BCL7A: variants seen among roughly 807,000 people sequenced by gnomAD.
BCL7A encodes the protein B-cell CLL/lymphoma 7 protein family member A.
BCL7A carries 11 observed loss-of-function variants against 28.4 expected under a neutral mutation model. That is an observed-to-expected ratio of 0.39 (90% CI 0.24 to 0.64). BCL7A has a LOEUF of 0.64. Ranked by LOEUF, BCL7A falls within the 30% of genes least tolerant of loss-of-function variation. The pLI is 0.50. For synonymous variants in BCL7A, 123 were observed against 103.3 expected, an observed-to-expected ratio of 1.19 and a Z score of -1.15; for missense variants, 222 against 274.8, an observed-to-expected ratio of 0.81 and a Z score of 1.36.
intron 4 of BCL7A, 59 bp downstream of exon 4, chr12:122,044,112 T>C (rs1184995245): frequency 3.9e-6 from 6 of 1,557,868 alleles, no homozygotes; most frequent in East Asian, 4.6e-5. Flanking sequence ...CTTCAGGCAG[T>C]CTGTGGCTAG....
chr12:122,030,140 C>G (rs142102473), intron 1 of BCL7A, among the ~76,000 whole-genome samples: 14 of 152,188 alleles, frequency 9.2e-5, no homozygotes, highest in African/African-American at 2.9e-4. Flanking sequence ...CCTTTCGGGC[C>G]GAGGTCACCA....
chr12:122,033,765 C>T (rs1338032550), intron 2 of BCL7A, among the ~76,000 whole-genome samples: 3 of 152,170 alleles, frequency 2.0e-5, no homozygotes, highest in Non-Finnish European at 2.9e-5. Flanking sequence ...CCAGAAGTCA[C>T]TGTTTTATTC....
chr12:122,057,036 C>T (rs915184898), intron 5 of BCL7A, among the ~76,000 whole-genome samples: 1 of 152,196 alleles, frequency 6.6e-6, no homozygotes, highest in Non-Finnish European at 1.5e-5. Context: ...ACAATGGGCT[C>T]AGGATAAGCA....
intron 5 of BCL7A, among the ~76,000 whole-genome samples, chr12:122,056,599 G>A (rs1459877393): frequency 6.6e-6 from 1 of 152,036 alleles, no homozygotes; most frequent in Non-Finnish European, 1.5e-5. Context: ...CCAGGAGTTC[G>A]AGACCAGCCT....
At chr12:122,047,926 G>A (rs1884109574) in intron 4 of BCL7A, among the ~76,000 whole-genome samples, 2 of 120,226 alleles carry the variant, frequency 1.7e-5, no homozygotes, top group South Asian at 2.6e-4. Context: ...TTTTTGAGAC[G>A]GAGTTTCGCT....
intron 5 of BCL7A, among the ~76,000 whole-genome samples, chr12:122,055,764 G>T (rs948922213): frequency 4.6e-5 from 7 of 152,162 alleles, no homozygotes; most frequent in African/African-American, 1.4e-4. Flanking sequence ...GATTACAGGT[G>T]CCTACCACTC....
intron 4 of BCL7A, among the ~76,000 whole-genome samples, chr12:122,053,229 C>A (rs552365883): frequency 6.6e-6 from 1 of 152,232 alleles, no homozygotes; most frequent in Non-Finnish European, 1.5e-5. Context: ...CTCCTGACTT[C>A]AAGTGATCCG....
chr12:122,046,950 C>G (rs1378306046), intron 4 of BCL7A, among the ~76,000 whole-genome samples: 1 of 150,222 alleles, frequency 6.7e-6, no homozygotes, highest in African/African-American at 2.5e-5. Context: ...GTCGCCCAGG[C>G]TGGAGTGCAA....
chr12:122,045,544 G>A (rs1593032082), intron 4 of BCL7A, among the ~76,000 whole-genome samples: 1 of 152,026 alleles, frequency 6.6e-6, no homozygotes, highest in Non-Finnish European at 1.5e-5. Context: ...CAGATGATGG[G>A]GTGATTGTGT....
chr12:122,055,192 C>G (rs906258800), intron 5 of BCL7A, among the ~76,000 whole-genome samples: 1 of 152,184 alleles, frequency 6.6e-6, no homozygotes, highest in African/African-American at 2.4e-5. Flanking sequence ...TGAACCCAGC[C>G]TCGGCTGCTA....
Position 122,059,689 on chromosome 12 carries a change from C to T in BCL7A, c.*526C>T, listed in dbSNP as rs971286105. 2 of 232,974 alleles carry T rather than the reference C, an allele frequency of 8.6e-6. No individual in the cohort carries two copies. Among genetic ancestry groups the T allele is most frequent in the Non-Finnish European group, 1.7e-5 (2 of 118,064 alleles). The allele number at this position is 232,974 out of a possible 1,614,324, so 14.4% of individuals were successfully genotyped here. On this transcript the variant is annotated 3_prime_UTR_variant, in exon 6 of 6. Coordinates refer to ENST00000261822, the MANE Select transcript of BCL7A (RefSeq NM_001024808.3). This position sits in a 1 kb window ranked among gnomAD's most constrained non-coding sequence, Gnocchi z 4.0. Reference sequence around the variant, plus strand: ...TTCGGGCGGCGGCTGCCACCCTACTCACCGCTCTCCTCCCTGCCCCAGGAC... The same window carrying T: ...TTCGGGCGGCGGCTGCCACCCTACTTACCGCTCTCCTCCCTGCCCCAGGAC...
intron 1 of BCL7A, among the ~76,000 whole-genome samples, chr12:122,022,847 C>G (rs1883499875): frequency 6.6e-6 from 1 of 151,794 alleles, no homozygotes; most frequent in Non-Finnish European, 1.5e-5. Flanking sequence ...GCGCTGGGAG[C>G]CAGCGGCCAG....
chr12:122,034,913 A>G (rs748591286), intron 2 of BCL7A, among the ~76,000 whole-genome samples: 1 of 152,266 alleles, frequency 6.6e-6, no homozygotes, highest in East Asian at 1.9e-4. Context: ...GGGGGCCTGC[A>G]GCTGGTGGAA....
chr12:122,055,972 A>G (rs538206082), intron 5 of BCL7A, among the ~76,000 whole-genome samples: 2 of 152,268 alleles, frequency 1.3e-5, no homozygotes, highest in African/African-American at 4.8e-5. Flanking sequence ...ACCTCACCCC[A>G]TGGAACCCCC....
chr12:122,039,949 C>T (rs1451960031), intron 3 of BCL7A, among the ~76,000 whole-genome samples: 2 of 152,154 alleles, frequency 1.3e-5, no homozygotes, highest in Non-Finnish European at 2.9e-5. Context: ...ATCCTCCTCC[C>T]TCAACCTCCC....
chr12:122,023,735 T>C (rs1883535580), intron 1 of BCL7A, among the ~76,000 whole-genome samples: 2 of 152,220 alleles, frequency 1.3e-5, no homozygotes, highest in South Asian at 2.1e-4. Context: ...CATTTAAAAA[T>C]GGCAGAAACA....
Position 122,060,720 on chromosome 12 carries a change from C to CT in BCL7A, c.*1560dup, listed in dbSNP as rs1951914345. 4.3e-6 allele frequency: 1 copy of CT among 232,152 alleles called. No homozygotes were observed. The highest frequency in any genetic ancestry group is 1.8e-4 in the South Asian group (1 of 5,504). The allele number at this position is 232,152 out of a possible 1,614,324, so 14.4% of individuals were successfully genotyped here. ...CAGGTACCACCTTTGACGTGTGGCT[C>CT]TTTCTCCTGACCATCATGGGAAGTG... is the stretch of plus-strand genomic sequence containing the variant. On this transcript the variant is annotated 3_prime_UTR_variant, in exon 6 of 6. Coordinates refer to ENST00000261822, the MANE Select transcript of BCL7A (RefSeq NM_001024808.3).
chr12:122,040,532 CAA>C (rs1021397193), intron 3 of BCL7A, among the ~76,000 whole-genome samples: 29 of 59,700 alleles, frequency 4.9e-4, no homozygotes, highest in Non-Finnish European at 4.4e-4. Context: ...GCCGTGTCTC[CAA>C]AAAAAAAAAA....
intron 2 of BCL7A, 31 bp from the exon 3 acceptor site, chr12:122,035,300 G>T: frequency 1.3e-6 from 2 of 1,588,476 alleles, no homozygotes; most frequent in South Asian, 2.2e-5. Context: ...ATGATCTGGT[G>T]ACTTGGTTTC....
Sources: gnomAD v4.1 joint callset for allele counts (sites outside exome capture counted in the v4.1 genomes callset) on GRCh38, gnomAD v4.1.1 for gene constraint, Gnocchi (gnomAD v3.1) non-coding constraint, MANE v1.5 for transcripts, NCBI Gene and HGNC (gene_info 2026-07-23, HGNC 2026-07-21) for gene names.